The following RYR2 variants were observed in gnomAD, a reference collection of about 807,000 sequenced individuals.
RYR2 encodes the protein ryanodine receptor 2, also known as cardiac muscle ryanodine receptor-calcium release channel.
RYR2 carries 227 observed loss-of-function variants against 601.1 expected under a neutral mutation model. The ratio of observed to expected loss-of-function variants is 0.38; its 90% CI spans 0.34 to 0.42. The LOEUF (loss-of-function observed/expected upper bound fraction) is 0.42. Among genes scored for constraint, RYR2 ranks in the 10% least tolerant of loss-of-function variants. The pLI is 1.00. For missense variants in RYR2, 4,646 were observed against 6,156.5 expected, an observed-to-expected ratio of 0.75 and a Z score of 8.21; for synonymous variants, 2,223 against 2,175.1, an observed-to-expected ratio of 1.02 and a Z score of -0.61.
intron 10 of RYR2, among the ~76,000 whole-genome samples, chr1:237,390,170 A>G (rs970282869): frequency 3.9e-5 from 6 of 152,142 alleles, no homozygotes; most frequent in Non-Finnish European, 7.4e-5. Flanking sequence ...AGAGCTTATA[A>G]GAGACCATGC....
intron 83 of RYR2, among the ~76,000 whole-genome samples, chr1:237,760,563 A>AT (rs1313369451): frequency 2.6e-5 from 4 of 151,552 alleles, no homozygotes; most frequent in African/African-American, 9.7e-5. Context: ...ATCGTTTTCC[A>AT]TTTTTTTTCA....
In RYR2 at chr1:237,610,814, T is replaced by A. The variant is rs766750384; in HGVS notation, c.4736T>A (p.Val1579Glu). Reference sequence around the variant, plus strand: ...TTCAAGAGTGAGCACAAGAACCCCGTGCCGCAGTGCCCCCCGCGCCTCCAC... The same window carrying A: ...TTCAAGAGTGAGCACAAGAACCCCGAGCCGCAGTGCCCCCCGCGCCTCCAC... ...GLFKSEHKNPVPQCPPRLHVQ... is the reference protein window; with the variant it reads ...GLFKSEHKNPEPQCPPRLHVQ... The change falls in exon 36 of 105, where the codon GTG (valine) becomes GAG (glutamate). Residue 1579 changes from valine to glutamate, a missense_variant. Transcript: ENST00000366574. This position sits in a 1 kb window ranked among gnomAD's most constrained non-coding sequence, Gnocchi z 4.9. 12 of 1,611,766 alleles carry A rather than the reference T, an allele frequency of 7.4e-6. No individual in the cohort carries two copies. The South Asian group carries it at 1.2e-4, about 16-fold the overall frequency.
chr1:237,550,010 AGTGCCCCTGGCATTGCCGGG>A (rs1456333821), intron 26 of RYR2, among the ~76,000 whole-genome samples: 2 of 151,326 alleles, frequency 1.3e-5, no homozygotes, highest in Admixed American at 1.3e-4. Context: ...TAGTCATTTT[AGTGCCCCTGGCATTGCCGGG>A]TTTCACTGGT....
At position 237,225,515 on chromosome 1, in the gene RYR2, GA is replaced by G. The variant is rs1202066815; in HGVS notation, c.49-44979del. On this transcript the variant is annotated intron_variant, in intron 1 of 104. Coordinates refer to ENST00000366574, the MANE Select transcript of RYR2 (RefSeq NM_001035.3). ...TCGCTACCATGAGAACAGTATGGGG[GA>G]AACCTCCCCCATGATTCAGTTATGT... Among the ~76,000 whole-genome samples, 11 of 152,130 alleles carry G rather than the reference GA, an allele frequency of 7.2e-5. No individual in the cohort carries two copies. The East Asian group carries it at 1.2e-3, about 16-fold the overall frequency.
At position 237,706,967 on chromosome 1, in the gene RYR2, A is replaced by C. The variant is rs1688433173; in HGVS notation, c.9599A>C (p.Asn3200Thr). 1.2e-6 allele frequency: 2 copies of C among 1,612,496 alleles called. No individual in the cohort carries two copies. Among genetic ancestry groups the C allele is most frequent in the Non-Finnish European group, 1.7e-6 (2 of 1,178,540 alleles). ...RERAALSLPT[N>T]VEDVCPNIPS... ...TCTCCAGCTCTCAGTTTGCCAACTA[A>C]TGTGGAAGATGTTTGTCCAAACATA... The change falls in exon 68 of 105, where the codon AAT becomes ACT. Residue 3200 changes from asparagine (N) to threonine (T), a missense_variant. Transcript: ENST00000366574.
intron 3 of RYR2, among the ~76,000 whole-genome samples, chr1:237,341,881 C>T (rs1697837177): frequency 6.6e-6 from 1 of 152,086 alleles, no homozygotes; most frequent in South Asian, 2.1e-4. Flanking sequence ...TTCGGTAATC[C>T]TCCATCCTCA....
At chr1:237,670,433 C>T (rs1308033234) in intron 58 of RYR2, among the ~76,000 whole-genome samples, 1 of 152,110 alleles carries the variant, frequency 6.6e-6, no homozygotes, top group African/African-American at 2.4e-5. Flanking sequence ...TCTAAAACCA[C>T]CCCATAAATG....
intron 1 of RYR2, among the ~76,000 whole-genome samples, chr1:237,122,302 C>T (rs925066452): frequency 7.2e-5 from 11 of 152,196 alleles, no homozygotes; most frequent in Non-Finnish European, 1.2e-4. Flanking sequence ...ACAGACTTAA[C>T]AGAAGTACAA....
chr1:237,833,528 C>CCTTCAGAAA lies in RYR2; in HGVS notation c.*883_*891dup, dbSNP rs1404908336. ...TGCAAGTTTAAATGAACAAAGAAAACCTTCAGAAACAAGTTGATCAACGTG... is the reference window on the plus strand; with the variant it reads ...TGCAAGTTTAAATGAACAAAGAAAACCTTCAGAAACTTCAGAAACAAGTTGATCAACGTG... On this transcript the variant is annotated 3_prime_UTR_variant, in exon 105 of 105. Coordinates refer to ENST00000366574, the MANE Select transcript of RYR2 (RefSeq NM_001035.3). 7.3e-6 allele frequency: 1 copy of CCTTCAGAAA among 136,682 alleles called. No individual in the cohort carries two copies. Among genetic ancestry groups the CCTTCAGAAA allele is most frequent in the Non-Finnish European group, 1.5e-5 (1 of 65,930 alleles). The allele number at this position is 136,682 out of a possible 1,614,324, so 8.5% of individuals were successfully genotyped here.
intron 1 of RYR2, among the ~76,000 whole-genome samples, chr1:237,238,305 A>G (rs1452356779): frequency 1.3e-5 from 2 of 152,068 alleles, no homozygotes; most frequent in African/African-American, 4.8e-5. Context: ...CTTTGAGTCC[A>G]CCTATGACCT....
intron 38 of RYR2, among the ~76,000 whole-genome samples, chr1:237,617,791 C>T (rs1233211799): frequency 6.6e-6 from 1 of 152,158 alleles, no homozygotes; most frequent in Non-Finnish European, 1.5e-5. Context: ...CATCATCTTC[C>T]ACTCATAGGA....
intron 1 of RYR2, among the ~76,000 whole-genome samples, chr1:237,081,515 A>G (rs1665655199): frequency 5.7e-5 from 1 of 17,522 alleles, no homozygotes; most frequent in African/African-American, 1.3e-4. Context: ...CCCCCCACAT[A>G]TATATATATA....
chr1:237,634,429 C>G (rs1299149773), intron 43 of RYR2, among the ~76,000 whole-genome samples: 1 of 152,026 alleles, frequency 6.6e-6, no homozygotes, highest in African/African-American at 2.4e-5. Context: ...CTCATAGAAA[C>G]AGAGAGTAGA....
intron 23 of RYR2, among the ~76,000 whole-genome samples, chr1:237,508,459 T>TAA (rs34859942): frequency 1.1e-3 from 153 of 141,164 alleles, no homozygotes; most frequent in East Asian, 1.6e-3. Flanking sequence ...AAGTTCCCAT[T>TAA]AAAAAAAAAA....
intron 1 of RYR2, among the ~76,000 whole-genome samples, chr1:237,113,270 C>T (rs1462119336): frequency 3.3e-5 from 5 of 151,988 alleles, no homozygotes; most frequent in Non-Finnish European, 5.9e-5. Context: ...ATGATCTCGG[C>T]TCACTGTAAC....
At chr1:237,748,403 A>T (rs940755083) in intron 80 of RYR2, among the ~76,000 whole-genome samples, 1 of 152,166 alleles carries the variant, frequency 6.6e-6, no homozygotes, top group Admixed American at 6.5e-5. Context: ...GTTGATATTA[A>T]CCAGTTCTTC....
At chr1:237,645,299 C>A (rs1191467031) in intron 48 of RYR2, among the ~76,000 whole-genome samples, 2 of 152,148 alleles carry the variant, frequency 1.3e-5, no homozygotes, top group Non-Finnish European at 2.9e-5. Context: ...TAGCTTTAGG[C>A]AAAGCTAGAA....
chr1:237,264,065 C>T (rs1688790822), intron 1 of RYR2, among the ~76,000 whole-genome samples: 2 of 148,222 alleles, frequency 1.3e-5, no homozygotes, highest in Non-Finnish European at 3.0e-5. Flanking sequence ...CTCAGAATTA[C>T]TAAATGTACA....
intron 1 of RYR2, among the ~76,000 whole-genome samples, chr1:237,230,790 G>A (rs752723816): frequency 6.6e-6 from 1 of 152,030 alleles, no homozygotes; most frequent in Non-Finnish European, 1.5e-5. Flanking sequence ...CTAGACAGGC[G>A]TGGTGGCACA....
Sources: allele counts gnomAD v4.1 joint callset (sites outside exome capture counted in the v4.1 genomes callset), GRCh38; gene constraint gnomAD v4.1.1; non-coding constraint Gnocchi (gnomAD v3.1); transcripts MANE v1.5; gene names NCBI Gene and HGNC (gene_info 2026-07-23, HGNC 2026-07-21).